Variants in MYO1E observed in about 807,000 individuals in gnomAD.
MYO1E encodes myosin IE, also known as unconventional myosin-Ie.
Under a neutral mutation model 151.1 loss-of-function variants are expected in MYO1E, and 68 were observed. The observed-to-expected ratio is 0.45, with a 90% confidence interval of 0.37 to 0.55. MYO1E has a LOEUF of 0.55. Among genes scored for constraint, MYO1E ranks in the 20% least tolerant of loss-of-function variants. The probability of loss-of-function intolerance (pLI) is 0.00; values close to 1 mark genes in which losing one functional copy is unlikely to be tolerated. For synonymous variants in MYO1E, 601 were observed against 501.7 expected (o/e 1.20, Z -2.64); for missense variants, 1,363 against 1,389.3 (o/e 0.98, Z 0.30).
intron 4 of MYO1E, among the ~76,000 whole-genome samples, chr15:59,245,029 C>A (rs2080121424): frequency 6.6e-6 from 1 of 152,190 alleles, no homozygotes; most frequent in South Asian, 2.1e-4. Flanking sequence ...CCCCATGCAA[C>A]CCCGTCATAG....
chr15:59,269,652 T>A (rs551232219), intron 2 of MYO1E, among the ~76,000 whole-genome samples: 1 of 151,906 alleles, frequency 6.6e-6, no homozygotes, highest in Non-Finnish European at 1.5e-5. Flanking sequence ...GGTGAAGAGA[T>A]TGAGACCATC....
rs576216141 is a variant in MYO1E, at chr15:59,365,566, G to A, written c.3+6932C>T. On this transcript the variant is annotated intron_variant, in intron 1 of 27. Coordinates refer to ENST00000288235, the MANE Select transcript of MYO1E (RefSeq NM_004998.4). ...AAAAACTAGCTATGAGACTTTGGAA[G>A]TAATTTAACCTCTCTAGATCTCTCT... is the stretch of plus-strand genomic sequence containing the variant. Among the ~76,000 whole-genome samples the A allele has an allele frequency of 3.3e-5, 5 of 152,316 alleles. No individual in the cohort carries two copies. In the South Asian group the frequency reaches 6.2e-4, roughly 19 times the overall value.
chr15:59,355,024 T>C (rs1401634875), intron 1 of MYO1E, among the ~76,000 whole-genome samples: 1 of 152,216 alleles, frequency 6.6e-6, no homozygotes, highest in Non-Finnish European at 1.5e-5. Context: ...CCGCTGGCTC[T>C]CATCAATCAC....
At chr15:59,255,309 G>T (rs1280868356) in intron 4 of MYO1E, among the ~76,000 whole-genome samples, 8 of 151,948 alleles carry the variant, frequency 5.3e-5, no homozygotes, top group African/African-American at 1.9e-4. Flanking sequence ...GTAGAGATGG[G>T]GTTTCGCCAT....
At chr15:59,285,107 G>T (rs937014819) in intron 1 of MYO1E, among the ~76,000 whole-genome samples, 3 of 152,290 alleles carry the variant, frequency 2.0e-5, no homozygotes, top group Admixed American at 6.5e-5. Flanking sequence ...ATTCAGGAAT[G>T]TAACTTTTCT....
rs1282288289 is a variant in MYO1E at position 59,230,214 on chromosome 15, C to G, written c.510+1488G>C. On this transcript the variant is annotated intron_variant, in intron 6 of 27. Transcript: ENST00000288235. The stretch of plus-strand genomic sequence containing the variant: ...TGGTGAATAGTGAGAGAGAGAGAGA[C>G]AGTGTGTGTTTGTGTGTGTGTGTGT... Among the ~76,000 whole-genome samples, 25 of 45,970 alleles carry G rather than the reference C, an allele frequency of 5.4e-4. 1 individual carries two copies. In the South Asian group the frequency reaches 7.2e-3, roughly 13 times the overall value. The allele number at this position is 45,970 out of a possible 152,430, so 30.2% of individuals were successfully genotyped here.
chr15:59,356,205 C>T (rs2080851769), intron 1 of MYO1E, among the ~76,000 whole-genome samples: 1 of 152,214 alleles, frequency 6.6e-6, no homozygotes, highest in Admixed American at 6.5e-5. Context: ...TTTCTACTGC[C>T]TTCCAGGGAC....
intron 4 of MYO1E, among the ~76,000 whole-genome samples, chr15:59,247,980 T>A (rs763060094): frequency 3.5e-4 from 52 of 150,704 alleles, no homozygotes; most frequent in Non-Finnish European, 7.1e-4. Flanking sequence ...AACAAAAAAT[T>A]AGCCAGGTGT....
intron 1 of MYO1E, among the ~76,000 whole-genome samples, chr15:59,290,638 T>A (rs1205446716): frequency 1.3e-5 from 2 of 152,216 alleles, no homozygotes; most frequent in East Asian, 3.8e-4. Flanking sequence ...GTGACAACGG[T>A]GCCTCAGCAC....
intron 1 of MYO1E, among the ~76,000 whole-genome samples, chr15:59,357,266 G>C (rs1233030978): frequency 6.6e-6 from 1 of 152,010 alleles, no homozygotes; most frequent in South Asian, 2.1e-4. Flanking sequence ...GAAACAACGA[G>C]GGGAGGTGGG....
chr15:59,242,107 A>G (rs1436260771), intron 4 of MYO1E, among the ~76,000 whole-genome samples: 1 of 152,212 alleles, frequency 6.6e-6, no homozygotes, highest in Non-Finnish European at 1.5e-5. Flanking sequence ...GCTACATTTT[A>G]TATAGACTCT....
intron 1 of MYO1E, 107 bp downstream of exon 1, chr15:59,372,391 T>C (rs939786335): frequency 2.9e-6 from 4 of 1,389,078 alleles, no homozygotes; most frequent in African/African-American, 2.9e-5. Context: ...CGCGTCCACC[T>C]TCTCCACCCC....
intron 23 of MYO1E, 88 bp downstream of exon 23, chr15:59,163,069 T>C: frequency 6.7e-7 from 1 of 1,490,434 alleles, no homozygotes; most frequent in African/African-American, 1.4e-5. Flanking sequence ...CTCGCAGGCC[T>C]CCTCCAGCCC....
At chr15:59,144,394 T>C (rs1436704967) in intron 26 of MYO1E, among the ~76,000 whole-genome samples, 2 of 152,064 alleles carry the variant, frequency 1.3e-5, no homozygotes, top group African/African-American at 4.8e-5. Context: ...GTTGAACTCC[T>C]GACCTCAAGT....
chr15:59,152,651 T>C (rs1218936560), intron 26 of MYO1E, among the ~76,000 whole-genome samples: 1 of 152,190 alleles, frequency 6.6e-6, no homozygotes, highest in Non-Finnish European at 1.5e-5. Flanking sequence ...ATGTATATAA[T>C]TTCTAGTCCT....
chr15:59,180,100 C>T (rs1408510850), intron 18 of MYO1E, among the ~76,000 whole-genome samples: 4 of 152,190 alleles, frequency 2.6e-5, no homozygotes, highest in African/African-American at 9.6e-5. Context: ...CAAATGTCTG[C>T]ATCTTGCCTG....
At chr15:59,258,472 T>G (rs1286643422) in intron 3 of MYO1E, among the ~76,000 whole-genome samples, 1 of 152,264 alleles carries the variant, frequency 6.6e-6, no homozygotes, top group Non-Finnish European at 1.5e-5. Flanking sequence ...GTTGGCCACC[T>G]TTGATTGGCC....
intron 3 of MYO1E, among the ~76,000 whole-genome samples, chr15:59,261,147 A>G (rs2080222357): frequency 1.3e-5 from 2 of 152,150 alleles, no homozygotes; most frequent in African/African-American, 4.8e-5. Context: ...CGGAAGGCGG[A>G]GGTTGCAGTG....
chr15:59,328,082 T>A (rs755887795), intron 1 of MYO1E, among the ~76,000 whole-genome samples: 4 of 152,028 alleles, frequency 2.6e-5, no homozygotes, highest in Non-Finnish European at 4.4e-5. Context: ...AGCTCCATGG[T>A]GGGGGGGTTC....
Sources: gnomAD v4.1 joint callset for allele counts (sites outside exome capture counted in the v4.1 genomes callset) on GRCh38, gnomAD v4.1.1 for gene constraint, MANE v1.5 for transcripts, NCBI Gene and HGNC (gene_info 2026-07-23, HGNC 2026-07-21) for gene names.